UBAP2: variants seen among roughly 807,000 people sequenced by gnomAD.
UBAP2 encodes the protein ubiquitin associated protein 2, also known as ubiquitin-associated protein 2.
In UBAP2, 75 loss-of-function variants were observed where a neutral mutation model predicts 139.6. The observed-to-expected ratio is 0.54, with a 90% confidence interval of 0.45 to 0.65. UBAP2 has a LOEUF of 0.65. Ranked by LOEUF, UBAP2 falls within the 30% of genes least tolerant of loss-of-function variation. The pLI is 0.00. For missense variants in UBAP2, 1,368 were observed against 1,369.6 expected (o/e 1.00, Z 0.02); for synonymous variants, 526 against 526.2 (o/e 1.00, Z 0.01).
chr9:33,927,933 C>A lies in UBAP2; in HGVS notation c.2235G>T (p.Ala745=). 6.2e-7 allele frequency: 1 copy of A among 1,614,162 alleles called. No homozygotes were observed. Among genetic ancestry groups the A allele is most frequent in the South Asian group, 1.1e-5 (1 of 91,082 alleles). Residue 745 remains alanine, a synonymous_variant, in exon 20 of 29, where the codon GCG becomes GCT. Transcript: ENST00000379238. ...AGGATGCGGAACTTGAGACGGAGGT[C>A]GCTGCCGTGGAGAAGGTGGCTGAGG... ...HQSSATFSTA[A]TSVSSSASSG...
At chr9:34,017,882 G>A (rs950365399) in intron 1 of UBAP2, among the ~76,000 whole-genome samples, 2 of 151,528 alleles carry the variant, frequency 1.3e-5, no homozygotes, top group Non-Finnish European at 2.9e-5. Flanking sequence ...AGCCGAGATC[G>A]CGTCACTGTA....
rs1290435806 is a variant in UBAP2 at position 33,999,890 on chromosome 9, GTATGTATGTATGTATGT to G, written c.100-1043_100-1027del. Among the ~76,000 whole-genome samples, 262 of 75,198 alleles carry G rather than the reference GTATGTATGTATGTATGT, an allele frequency of 3.5e-3. No homozygotes were observed. The East Asian group carries it at 0.051, about 15-fold the overall frequency. 49.3% of individuals were successfully genotyped at this position (75,198 alleles called of 152,430 possible). The stretch of plus-strand genomic sequence containing the variant: ...TGTATGTATGTATGTATGTATGTAT[GTATGTATGTATGTATGT>G]TATTTTGAGATGGAGTCACACTCTG... On this transcript the variant is annotated intron_variant, in intron 2 of 28. Transcript: ENST00000379238.
intron 1 of UBAP2, among the ~76,000 whole-genome samples, chr9:34,041,626 G>A (rs1012139367): frequency 6.6e-6 from 1 of 152,180 alleles, no homozygotes; most frequent in Non-Finnish European, 1.5e-5. Flanking sequence ...GAACCAAGGA[G>A]GCAGAGGCTG....
chr9:33,924,009 G>A lies in UBAP2; in HGVS notation c.2591-9C>T. ...AAACTTTGTGACATCACCTAGGAAA[G>A]AGCACTGACTCCAGCCACTGCCCTT... On this transcript the variant is annotated splice_polypyrimidine_tract_variant and intron_variant, in intron 23 of 28. Transcript: ENST00000379238. 6.2e-7 allele frequency: 1 copy of A among 1,613,212 alleles called. No individual in the cohort carries two copies. Among genetic ancestry groups the A allele is most frequent in the Non-Finnish European group, 8.5e-7 (1 of 1,179,984 alleles).
In UBAP2 at chr9:33,932,688, A is replaced by G. The variant is rs1467745710; in HGVS notation, c.2109-60T>C. ...GAACAAGTGACTCCAGATGAACAAG[A>G]CGCACGTGGGTCAGTGAGCTAGATT... On this transcript the variant is annotated intron_variant, in intron 18 of 28. Coordinates refer to ENST00000379238, the MANE Select transcript of UBAP2 (RefSeq NM_001370062.2). The G allele has an allele frequency of 6.3e-5, 100 of 1,587,244 alleles. No homozygotes were observed. The East Asian group carries it at 2.2e-3, about 35-fold the overall frequency.
At chr9:34,036,964 G>A (rs1306844708) in intron 1 of UBAP2, among the ~76,000 whole-genome samples, 1 of 142,752 alleles carries the variant, frequency 7.0e-6, no homozygotes, top group Non-Finnish European at 1.5e-5. Flanking sequence ...CTATAGGCAT[G>A]TGCCACCACA....
Position 33,998,908 on chromosome 9 carries a change from A to G in UBAP2, c.100-44T>C, listed in dbSNP as rs372479747. The G allele has an allele frequency of 2.6e-5, 40 of 1,539,640 alleles. No homozygotes were observed. The Admixed American group carries it at 3.7e-4, about 14-fold the overall frequency. On this transcript the variant is annotated intron_variant, in intron 2 of 28. Transcript: ENST00000379238. ...TGTTAAGGATTTGAACACCAAAAGC[A>G]TAAGTTAGATTCCAAAATCTGGGTC...
intron 6 of UBAP2, among the ~76,000 whole-genome samples, chr9:33,984,199 C>T (rs551090000): frequency 2.0e-5 from 3 of 151,168 alleles, no homozygotes; most frequent in African/African-American, 4.9e-5. Context: ...CCACCACACC[C>T]GGCCTGAATC....
chr9:33,966,083 G>A (rs947000720), intron 8 of UBAP2, among the ~76,000 whole-genome samples: 11 of 151,872 alleles, frequency 7.2e-5, no homozygotes, highest in African/African-American at 2.7e-4. Context: ...GTGGGTCTTA[G>A]AACTTTTTTT....
At chr9:33,983,869 T>C (rs1820975754) in intron 6 of UBAP2, among the ~76,000 whole-genome samples, 1 of 152,214 alleles carries the variant, frequency 6.6e-6, no homozygotes. Context: ...CAATTTACTA[T>C]GTGGCATATG....
At chr9:33,975,977 A>C (rs1416335282) in intron 6 of UBAP2, among the ~76,000 whole-genome samples, 1 of 152,156 alleles carries the variant, frequency 6.6e-6, no homozygotes, top group African/African-American at 2.4e-5. Flanking sequence ...GCACTTTTGG[A>C]GGCCAAGGCA....
chr9:33,986,278 A>G (rs924033370), intron 6 of UBAP2, among the ~76,000 whole-genome samples: 1 of 151,888 alleles, frequency 6.6e-6, no homozygotes, highest in African/African-American at 2.4e-5. Flanking sequence ...GGGTCTCAAA[A>G]AAAGGGAATA....
intron 8 of UBAP2, among the ~76,000 whole-genome samples, chr9:33,971,110 G>A (rs1827886256): frequency 6.6e-6 from 1 of 151,988 alleles, no homozygotes; most frequent in African/African-American, 2.4e-5. Context: ...GCTAAATTAT[G>A]TTTCTATAAG....
At chr9:34,044,272 ACGCCTGTAGTCCCAGCTACT>A (rs1827365849) in intron 1 of UBAP2, among the ~76,000 whole-genome samples, 1 of 151,636 alleles carries the variant, frequency 6.6e-6, no homozygotes, top group Non-Finnish European at 1.5e-5. Context: ...TTGACAGCAC[ACGCCTGTAGTCCCAGCTACT>A]CGGGAGGCTG....
chr9:33,948,033 C>T (rs760102232), intron 13 of UBAP2, among the ~76,000 whole-genome samples: 1 of 148,694 alleles, frequency 6.7e-6, no homozygotes, highest in Non-Finnish European at 1.5e-5. Flanking sequence ...ATTCTATGTT[C>T]TATCACCACC....
At chr9:34,042,700 G>A (rs1332830497) in intron 1 of UBAP2, among the ~76,000 whole-genome samples, 8 of 151,970 alleles carry the variant, frequency 5.3e-5, no homozygotes, top group Admixed American at 5.3e-4. Context: ...GAAAAGAAAT[G>A]CCTTGGGAGC....
chr9:34,032,491 C>G (rs987916766), intron 1 of UBAP2, among the ~76,000 whole-genome samples: 4 of 152,184 alleles, frequency 2.6e-5, no homozygotes, highest in African/African-American at 9.7e-5. Flanking sequence ...CCACCTTCCC[C>G]CTTTGGCCAG....
chr9:33,965,918 G>A (rs555193065), intron 8 of UBAP2, among the ~76,000 whole-genome samples: 21 of 152,082 alleles, frequency 1.4e-4, no homozygotes, highest in African/African-American at 4.1e-4. Flanking sequence ...GTGTGGTGGC[G>A]GGTGCCTGTA....
chr9:33,924,074 G>C (rs1823199930), intron 23 of UBAP2, 74 bp from the exon 24 acceptor site: 1 of 1,597,048 alleles, frequency 6.3e-7, no homozygotes, highest in Non-Finnish European at 8.6e-7. Flanking sequence ...TCTGCAAACA[G>C]GAACAGGTCT....
Sources: gnomAD v4.1 joint callset for allele counts (sites outside exome capture counted in the v4.1 genomes callset) on GRCh38, gnomAD v4.1.1 for gene constraint, MANE v1.5 for transcripts, NCBI Gene and HGNC (gene_info 2026-07-23, HGNC 2026-07-21) for gene names.